The following PCSK6 variants were observed in gnomAD, a reference collection of about 807,000 sequenced individuals.
The protein encoded by PCSK6 is paired basic amino acid cleaving enzyme 4.
In PCSK6, 85 loss-of-function variants were observed where a neutral mutation model predicts 123.3. The observed-to-expected ratio is 0.69, with a 90% CI of 0.58 to 0.83. PCSK6 has a LOEUF of 0.83. PCSK6 is among the 40% of genes least tolerant of loss of function. The probability of loss-of-function intolerance (pLI) is 0.00; values close to 1 mark genes in which losing one functional copy is unlikely to be tolerated. For synonymous variants in PCSK6, 508 were observed against 516.0 expected (o/e 0.98, Z 0.21); for missense variants, 1,191 against 1,282.3 (o/e 0.93, Z 1.09).
At chr15:101,375,895 G>A (rs2041723420) in intron 11 of PCSK6, among the ~76,000 whole-genome samples, 1 of 152,122 alleles carries the variant, frequency 6.6e-6, no homozygotes, top group Non-Finnish European at 1.5e-5. Flanking sequence ...TTAGCCAGGT[G>A]TGATGGCATG....
chr15:101,347,441 A>G, intron 13 of PCSK6: 1 of 1,243,776 alleles, frequency 8.0e-7, no homozygotes, highest in Non-Finnish European at 1.0e-6. Context: ...ACATGGTCAC[A>G]CAGAAGAGAC....
chr15:101,371,495 G>A (rs1258984304), intron 11 of PCSK6, among the ~76,000 whole-genome samples: 3 of 152,194 alleles, frequency 2.0e-5, no homozygotes, highest in Non-Finnish European at 1.5e-5. Flanking sequence ...ACTTTGTTCC[G>A]AAGACTAGCA....
Position 101,430,017 on chromosome 15 carries a change from G to A in PCSK6, c.704C>T (p.Ser235Phe). 1 of 1,613,868 alleles carries A rather than the reference G, an allele frequency of 6.2e-7. No individual in the cohort carries two copies. Among genetic ancestry groups the A allele is most frequent in the Non-Finnish European group, 8.5e-7 (1 of 1,179,784 alleles). Residue 235 changes from serine to phenylalanine, a missense_variant, in exon 5 of 22, where the codon TCT becomes TTT. By Grantham distance (155) the Ser-to-Phe change is radical. Coordinates refer to ENST00000611716, the MANE Select transcript of PCSK6 (RefSeq NM_002570.5). ...TTCATTGCTGGCATCATATCGTGGAGATGGGTCATAATCATTGCCGTTCAC... is the reference window on the plus strand; with the variant it reads ...TTCATTGCTGGCATCATATCGTGGAAATGGGTCATAATCATTGCCGTTCAC... ...YDVNGNDYDPSPRYDASNENK... is the reference protein window; with the variant it reads ...YDVNGNDYDPFPRYDASNENK...
At chr15:101,443,013 T>C (rs949586510) in intron 2 of PCSK6, among the ~76,000 whole-genome samples, 5 of 152,254 alleles carry the variant, frequency 3.3e-5, no homozygotes, top group Non-Finnish European at 7.3e-5. Context: ...AACTGTTGAT[T>C]GATCTTTCTC....
intron 13 of PCSK6, among the ~76,000 whole-genome samples, chr15:101,333,052 G>A (rs933409994): frequency 1.3e-5 from 2 of 152,214 alleles, no homozygotes; most frequent in Non-Finnish European, 2.9e-5. Flanking sequence ...ATCGAAATAA[G>A]TCAACTTGCA....
chr15:101,394,631 G>A (rs1487527772), intron 7 of PCSK6, among the ~76,000 whole-genome samples: 3 of 152,142 alleles, frequency 2.0e-5, no homozygotes, highest in Admixed American at 6.5e-5. Context: ...CTCAACAATC[G>A]GCCAATTTAA....
chr15:101,471,336 C>T (rs993311282), intron 1 of PCSK6, among the ~76,000 whole-genome samples: 1 of 151,688 alleles, frequency 6.6e-6, no homozygotes, highest in Non-Finnish European at 1.5e-5. Context: ...AACATGGGGT[C>T]TCTCCCACGT....
chr15:101,481,674 G>C (rs1179218456), intron 1 of PCSK6, among the ~76,000 whole-genome samples: 1 of 152,190 alleles, frequency 6.6e-6, no homozygotes, highest in African/African-American at 2.4e-5. Context: ...ACGGGAGCAG[G>C]AGGAGGCGAT....
intron 13 of PCSK6, among the ~76,000 whole-genome samples, chr15:101,333,239 G>A (rs575701417): frequency 6.6e-6 from 1 of 152,172 alleles, no homozygotes; most frequent in Non-Finnish European, 1.5e-5. Flanking sequence ...GGGGGCCAGG[G>A]GCCAGTGTGA....
rs148570485 is a variant in PCSK6 at position 101,488,034 on chromosome 15, T to G, written c.297+1340A>C. 7.7e-4 allele frequency among the ~76,000 whole-genome samples: 117 copies of G among 152,328 alleles called. No individual in the cohort carries two copies. The Middle Eastern group carries it at 0.017, about 22-fold the overall frequency. On this transcript the variant is annotated intron_variant, in intron 1 of 21. Coordinates refer to ENST00000611716, the MANE Select transcript of PCSK6 (RefSeq NM_002570.5). The stretch of plus-strand genomic sequence containing the variant: ...AAACTCGAACCTGCCTTGTGAAGAT[T>G]CCTTCATTCGAATGGTGGAATCCAC...
chr15:101,382,130 C>A lies in PCSK6; in HGVS notation c.1494G>T (p.Ser498=). Residue 498 remains serine, a synonymous_variant, in exon 11 of 22, where the codon TCG becomes TCT. Coordinates refer to ENST00000611716, the MANE Select transcript of PCSK6 (RefSeq NM_002570.5). ...VEAKKWTAVP[S]QHMCVAASDK... The stretch of plus-strand genomic sequence containing the variant: ...CCGAGGCGGCCACACACATGTGCTG[C>A]GATGGCACTGCTGTCCACTTCTTTG... The A allele has an allele frequency of 1.9e-6, 3 of 1,611,994 alleles. No homozygotes were observed. The highest frequency in any genetic ancestry group is 2.5e-6 in the Non-Finnish European group (3 of 1,179,176).
rs2042498701 is a variant in PCSK6 at position 101,398,790 on chromosome 15, T to A, written c.824-214A>T. ...GGGCAACAAAAGAAAGCAAGCTACGTCCCAAAGAGAGGGTTCAGCTTCCCT... is the reference window on the plus strand; with the variant it reads ...GGGCAACAAAAGAAAGCAAGCTACGACCCAAAGAGAGGGTTCAGCTTCCCT... On this transcript the variant is annotated intron_variant, in intron 6 of 21. Coordinates refer to ENST00000611716, the MANE Select transcript of PCSK6 (RefSeq NM_002570.5). This position sits in a 1 kb window ranked among gnomAD's most constrained non-coding sequence, Gnocchi z 4.6. Among the ~76,000 whole-genome samples, 1 of 152,164 alleles carries A rather than the reference T, an allele frequency of 6.6e-6. No homozygotes were observed. The highest frequency in any genetic ancestry group is 1.5e-5 in the Non-Finnish European group (1 of 68,026).
At chr15:101,433,886 G>C (rs2056521038) in intron 2 of PCSK6, among the ~76,000 whole-genome samples, 1 of 152,204 alleles carries the variant, frequency 6.6e-6, no homozygotes. Context: ...CCGGAAGAGA[G>C]GCATCCCAGC....
At chr15:101,319,597 T>A (rs1645244431) in intron 18 of PCSK6, among the ~76,000 whole-genome samples, 1 of 152,146 alleles carries the variant, frequency 6.6e-6, no homozygotes, top group African/African-American at 2.4e-5. Flanking sequence ...TACTCTGACT[T>A]CCCTCCTGGG....
intron 3 of PCSK6, 172 bp from the exon 4 acceptor site, chr15:101,431,635 T>C: frequency 1.3e-6 from 1 of 792,556 alleles, no homozygotes; most frequent in Non-Finnish European, 2.1e-6. Context: ...TCGAGAATCA[T>C]GCAGACGGCT....
At chr15:101,400,343 C>T (rs1243652388) in intron 6 of PCSK6, among the ~76,000 whole-genome samples, 4 of 152,256 alleles carry the variant, frequency 2.6e-5, no homozygotes, top group African/African-American at 9.6e-5. Flanking sequence ...ATCATGCACA[C>T]ACCCCTGGCC....
At chr15:101,371,027 G>A (rs931561550) in intron 11 of PCSK6, among the ~76,000 whole-genome samples, 5 of 152,168 alleles carry the variant, frequency 3.3e-5, no homozygotes, top group African/African-American at 7.2e-5. Flanking sequence ...TGGCCAATAC[G>A]GTGAAACCCT....
intron 1 of PCSK6, among the ~76,000 whole-genome samples, chr15:101,485,492 G>A (rs962962695): frequency 1.3e-5 from 2 of 151,798 alleles, no homozygotes; most frequent in East Asian, 3.9e-4. Context: ...CTCCTTTCCC[G>A]GTGTGACAAA....
rs997036703 is a variant in PCSK6 at position 101,349,312 on chromosome 15, A to T, written c.1858+16884T>A. ...TTTCTCGGGAAAAGTGTTGCTTAAGAAGAAGAAAGGAAGAATAGAAATGTA... is the reference window on the plus strand; with the variant it reads ...TTTCTCGGGAAAAGTGTTGCTTAAGTAGAAGAAAGGAAGAATAGAAATGTA... On this transcript the variant is annotated intron_variant, in intron 13 of 21. Transcript: ENST00000611716. Among the ~76,000 whole-genome samples the T allele has an allele frequency of 5.9e-5, 9 of 152,342 alleles. No individual in the cohort carries two copies. The East Asian group carries it at 1.7e-3, about 29-fold the overall frequency.
Sources: allele counts gnomAD v4.1 joint callset (sites outside exome capture counted in the v4.1 genomes callset), GRCh38; gene constraint gnomAD v4.1.1; non-coding constraint Gnocchi (gnomAD v3.1); transcripts MANE v1.5; gene names NCBI Gene and HGNC (gene_info 2026-07-23, HGNC 2026-07-21).